Variants in PTPRF observed in about 807,000 individuals in gnomAD.
PTPRF encodes protein tyrosine phosphatase receptor type F, also known as receptor-type tyrosine-protein phosphatase F.
In PTPRF, 59 loss-of-function variants were observed where a neutral mutation model predicts 201.8. The observed-to-expected ratio is 0.29, with a 90% confidence interval of 0.24 to 0.36. The LOEUF is 0.36. Ranked by LOEUF, PTPRF falls within the 10% of genes least tolerant of loss-of-function variation. The probability of loss-of-function intolerance (pLI) is 1.00; values close to 1 mark genes in which losing one functional copy is unlikely to be tolerated. For missense variants in PTPRF, 2,132 were observed against 2,690.5 expected (o/e 0.79, Z 4.59); for synonymous variants, 1,088 against 1,089.7 (o/e 1.00, Z 0.03).
intron 6 of PTPRF, among the ~76,000 whole-genome samples, chr1:43,574,579 T>C (rs1646799518): frequency 1.3e-5 from 2 of 152,210 alleles, no homozygotes; most frequent in Admixed American, 1.3e-4. Context: ...GCACATGTCA[T>C]GTAGCCTCTG....
chr1:43,541,782 A>C (rs2153959626), intron 2 of PTPRF, among the ~76,000 whole-genome samples: 1 of 152,354 alleles, frequency 6.6e-6, no homozygotes, highest in Middle Eastern at 3.4e-3. Flanking sequence ...CTGAATGTGG[A>C]AAAATTGTGT....
intron 32 of PTPRF, 36 bp downstream of exon 32, chr1:43,621,028 G>A: frequency 6.2e-7 from 1 of 1,609,702 alleles, no homozygotes; most frequent in Non-Finnish European, 8.5e-7. Flanking sequence ...GGGTGGGTGG[G>A]CCTGAAGGCC....
intron 8 of PTPRF, among the ~76,000 whole-genome samples, chr1:43,589,419 C>CCCG: frequency 1.5e-5 from 2 of 135,812 alleles, no homozygotes; most frequent in East Asian, 5.4e-4. Flanking sequence ...CCATATCTCA[C>CCCG]CCTCACCACT....
chr1:43,529,549 ATC>A, upstream of PTPRF, among the ~76,000 whole-genome samples: 1 of 152,228 alleles, frequency 6.6e-6, no homozygotes. Flanking sequence ...GAGAAACCTC[ATC>A]TCTTTTTCTG....
chr1:43,558,247 T>C (rs1312557064), intron 5 of PTPRF, among the ~76,000 whole-genome samples: 4 of 151,988 alleles, frequency 2.6e-5, no homozygotes, highest in Non-Finnish European at 5.9e-5. Context: ...CTGTCTGGGG[T>C]GAACTGGCTC....
intron 21 of PTPRF, among the ~76,000 whole-genome samples, chr1:43,607,874 C>T (rs146559232): frequency 9.6e-4 from 147 of 152,380 alleles, no homozygotes; most frequent in Non-Finnish European, 1.9e-3. Flanking sequence ...CAGCTGTCCC[C>T]TGTGATGCTC....
At chr1:43,605,483 G>A in intron 18 of PTPRF, 40 bp downstream of exon 18, 1 of 1,612,452 alleles carries the variant, frequency 6.2e-7, no homozygotes, top group Non-Finnish European at 8.5e-7. Context: ...GGCAGGGCTG[G>A]AGGTAACCAG....
At chr1:43,583,146 G>T in intron 7 of PTPRF, 1 of 968,586 alleles carries the variant, frequency 1.0e-6, no homozygotes, top group Non-Finnish European at 1.2e-6. Flanking sequence ...GATGGGACAC[G>T]CCTGTCAGTA....
At chr1:43,621,286 C>T in intron 33 of PTPRF, 54 bp downstream of exon 33, 3 of 1,592,970 alleles carry the variant, frequency 1.9e-6, no homozygotes, top group Non-Finnish European at 2.6e-6. Context: ...CTGCTGGGAA[C>T]CCTAGGCTTT....
intron 2 of PTPRF, among the ~76,000 whole-genome samples, chr1:43,541,272 A>G (rs147876900): frequency 1.4e-4 from 21 of 152,306 alleles, no homozygotes; most frequent in African/African-American, 5.1e-4. Context: ...AAACAAATCA[A>G]TCTGTGTTTG....
At chr1:43,564,204 G>A (rs971833586) in intron 5 of PTPRF, among the ~76,000 whole-genome samples, 2 of 152,192 alleles carry the variant, frequency 1.3e-5, no homozygotes, top group African/African-American at 4.8e-5. Context: ...GAAGCCTGGG[G>A]GTGGGGCTGG....
rs765928388 is a variant in PTPRF at position 43,603,812 on chromosome 1, C to T, written c.2660C>T (p.Thr887Ile). 2 of 1,614,152 alleles carry T rather than the reference C, an allele frequency of 1.2e-6. No homozygotes were observed. The highest frequency in any genetic ancestry group is 1.7e-5 in the Admixed American group (1 of 60,034). ...FTVTGLHKGT[T>I]YIFRLAAKNR... ...GTCACCGGCCTGCACAAGGGGACCA[C>T]CTACATCTTCCGGCTTGCTGCCAAG... The change falls in exon 16 of 34, where the codon ACC (threonine) becomes ATC (isoleucine). Residue 887 changes from threonine (T) to isoleucine (I), a missense_variant. Physicochemically the swap from Thr to Ile is moderately conservative, Grantham distance 89. Around this residue, in one of 6 missense-constraint regions of PTPRF, gnomAD observed 818 missense variants for 915.3 expected, o/e 0.89. Coordinates refer to ENST00000359947, the MANE Select transcript of PTPRF (RefSeq NM_002840.5). This position sits in a 1 kb window ranked among gnomAD's most constrained non-coding sequence, Gnocchi z 5.8.
intron 22 of PTPRF, 79 bp from the exon 23 acceptor site, chr1:43,613,539 A>C (rs1160080554): frequency 4.3e-6 from 5 of 1,167,064 alleles, no homozygotes; most frequent in Non-Finnish European, 6.5e-6. Flanking sequence ...ACATGTGCAC[A>C]TACATGCGTT....
At chr1:43,552,130 C>G (rs1645075352) in intron 3 of PTPRF, among the ~76,000 whole-genome samples, 2 of 151,748 alleles carry the variant, frequency 1.3e-5, no homozygotes, top group Admixed American at 1.3e-4. Flanking sequence ...AAAAAATTCA[C>G]AAACCTCCCT....
At chr1:43,523,908 A>C (rs117883848), upstream of PTPRF, among the ~76,000 whole-genome samples, 744 of 152,054 alleles carry the variant, frequency 4.9e-3, 29 homozygotes, top group East Asian at 0.1. Flanking sequence ...AAAAAGGAAA[A>C]AAAAATTAGC....
chr1:43,533,262 G>A (rs1449477578), intron 1 of PTPRF, among the ~76,000 whole-genome samples: 1 of 152,136 alleles, frequency 6.6e-6, no homozygotes, highest in Non-Finnish European at 1.5e-5. Context: ...TGGGCGGGTT[G>A]GCTTGGTGTA....
At chr1:43,597,479 C>T (rs947691278) in intron 11 of PTPRF, among the ~76,000 whole-genome samples, 1 of 151,856 alleles carries the variant, frequency 6.6e-6, no homozygotes, top group Admixed American at 6.6e-5. Flanking sequence ...GTGTGTGAGG[C>T]TGTGTGAGAG....
chr1:43,523,657 A>G (rs1049640338), upstream of PTPRF, among the ~76,000 whole-genome samples: 1 of 152,146 alleles, frequency 6.6e-6, no homozygotes. Context: ...TGTTTTGGGG[A>G]GATGTTGGGG....
At chr1:43,590,323 T>A (rs1351836537) in intron 8 of PTPRF, among the ~76,000 whole-genome samples, 3 of 151,936 alleles carry the variant, frequency 2.0e-5, no homozygotes, top group Non-Finnish European at 2.9e-5. Context: ...GTTTATTGAT[T>A]CTCTCTTGTA....
Sources: allele counts gnomAD v4.1 joint callset (sites outside exome capture counted in the v4.1 genomes callset), GRCh38; gene constraint gnomAD v4.1.1; regional missense constraint gnomAD v4.1.1; non-coding constraint Gnocchi (gnomAD v3.1); transcripts MANE v1.5; gene names NCBI Gene and HGNC (gene_info 2026-07-23, HGNC 2026-07-21).